UGT1A8: variants seen among roughly 807,000 people sequenced by gnomAD.
The protein encoded by UGT1A8 is UDP glucuronosyltransferase family 1 member A8.
UGT1A8 carries 39 observed loss-of-function variants against 45.3 expected under a neutral mutation model. That is an observed-to-expected ratio of 0.86 (90% CI 0.67 to 1.12). The LOEUF (loss-of-function observed/expected upper bound fraction) is 1.12, where lower values mean the gene tolerates loss of function less well. Among genes scored for constraint, UGT1A8 ranks in the 50% most tolerant of loss-of-function variants. The pLI, the probability that UGT1A8 is intolerant of heterozygous loss-of-function variation, is 0.00. For missense variants in UGT1A8, 719 were observed against 664.9 expected (o/e 1.08, Z -0.90); for synonymous variants, 275 against 249.2 (o/e 1.10, Z -0.97).
At chr2:233,644,204 G>A (rs1306141420) in intron 1 of UGT1A8, among the ~76,000 whole-genome samples, 1 of 152,208 alleles carries the variant, frequency 6.6e-6, no homozygotes, top group East Asian at 1.9e-4. Flanking sequence ...GCCCTCGGTG[G>A]TGAGGTCTGT....
chr2:233,767,045 C>G lies in UGT1A8; in HGVS notation c.867C>G (p.Ala289=), dbSNP rs900263261. 1.9e-6 allele frequency: 3 copies of G among 1,614,006 alleles called. No homozygotes were observed. The African/African-American group carries it at 4.0e-5, about 22-fold the overall frequency. The change falls in exon 2 of 5, where the codon GCC becomes GCG. Residue 289 remains alanine, a synonymous_variant. Coordinates refer to ENST00000373450, the MANE Select transcript of UGT1A8 (RefSeq NM_019076.5). ...QGKPLPMEFE[A]YINASGEHGI... is the part of the protein sequence containing the mutation. ...TCTTCTGGCTCTAGGAATTTGAAGC[C>G]TACATTAATGCTTCTGGAGAACATG...
chr2:233,772,602 G>A lies in UGT1A8; in HGVS notation c.*43G>A. 6.3e-7 allele frequency: 1 copy of A among 1,589,502 alleles called. No individual in the cohort carries two copies. Among genetic ancestry groups the A allele is most frequent in the Non-Finnish European group, 8.6e-7 (1 of 1,167,066 alleles). On this transcript the variant is annotated 3_prime_UTR_variant, in exon 5 of 5. Transcript: ENST00000373450. The stretch of plus-strand genomic sequence containing the variant: ...AGGTAAAATTTTGAACCATTCCCTA[G>A]TCATTTCCAAACTTGAAAACAGAAT...
chr2:233,663,930 A>G (rs2074025587), intron 1 of UGT1A8, among the ~76,000 whole-genome samples: 1 of 152,166 alleles, frequency 6.6e-6, no homozygotes, highest in Admixed American at 6.5e-5. Flanking sequence ...ATAACTTCCA[A>G]CTTTAAGTCA....
intron 1 of UGT1A8, among the ~76,000 whole-genome samples, chr2:233,633,268 T>C (rs1407663542): frequency 6.6e-6 from 1 of 152,118 alleles, no homozygotes; most frequent in East Asian, 1.9e-4. Context: ...TGGCCTGAAA[T>C]TTTTTTGGTT....
Position 233,712,926 on chromosome 2 carries a change from C to T in UGT1A8, c.856-54108C>T, listed in dbSNP as rs185804410. ...TGTCTCAGTGACAAGGTAATTAAGA[C>T]GAAGGAAACAATTCTAGGAGGCACA... On this transcript the variant is annotated intron_variant, in intron 1 of 4. Transcript: ENST00000373450. 3.1e-4 allele frequency: 497 copies of T among 1,611,970 alleles called. 2 individuals carry two copies. In the African/African-American group the frequency reaches 4.1e-3, roughly 13 times the overall value.
At chr2:233,747,816 T>A in intron 1 of UGT1A8, 1 of 1,613,472 alleles carries the variant, frequency 6.2e-7, no homozygotes, top group Non-Finnish European at 8.5e-7. Flanking sequence ...AACGACCAAT[T>A]CAGACCACAT....
intron 1 of UGT1A8, among the ~76,000 whole-genome samples, chr2:233,764,010 C>T (rs956490955): frequency 8.5e-5 from 13 of 152,216 alleles, no homozygotes; most frequent in Admixed American, 5.2e-4. Context: ...CACAGATGAC[C>T]CACATGGTGT....
At chr2:233,633,794 G>A (rs1032039313) in intron 1 of UGT1A8, among the ~76,000 whole-genome samples, 14 of 152,100 alleles carry the variant, frequency 9.2e-5, no homozygotes, top group Non-Finnish European at 1.9e-4. Context: ...AGGGTTTTTT[G>A]TGTCTCTATC....
chr2:233,625,583 C>T (rs1013085498), intron 1 of UGT1A8, among the ~76,000 whole-genome samples: 3 of 151,744 alleles, frequency 2.0e-5, no homozygotes, highest in African/African-American at 4.8e-5. Context: ...AAATGTGGTA[C>T]ATATACACCA....
chr2:233,712,904 C>T, intron 1 of UGT1A8: 1 of 1,609,906 alleles, frequency 6.2e-7, no homozygotes, highest in African/African-American at 1.3e-5. Flanking sequence ...TGCTAGGTGT[C>T]TCAGTGACAA....
chr2:233,721,416 C>T, intron 1 of UGT1A8: 1 of 156,014 alleles, frequency 6.4e-6, no homozygotes, highest in Non-Finnish European at 1.4e-5. Flanking sequence ...GGACAGGTAC[C>T]CTAAGCATTG....
At chr2:233,704,256 C>CTTTTTTTTTTTT (rs59925871) in intron 1 of UGT1A8, among the ~76,000 whole-genome samples, 5 of 123,642 alleles carry the variant, frequency 4.0e-5, no homozygotes, top group African/African-American at 6.5e-5. Context: ...GCCTTTATTG[C>CTTTTTTTTTTTT]TTTTTTTTTT....
intron 1 of UGT1A8, among the ~76,000 whole-genome samples, chr2:233,731,469 T>C (rs1244110425): frequency 6.6e-6 from 1 of 152,156 alleles, no homozygotes; most frequent in Non-Finnish European, 1.5e-5. Context: ...TGGCGTGTGA[T>C]GTTCCCTGGC....
intron 1 of UGT1A8, among the ~76,000 whole-genome samples, chr2:233,698,183 T>C (rs2075430148): frequency 6.6e-6 from 1 of 152,224 alleles, no homozygotes; most frequent in African/African-American, 2.4e-5. Context: ...TGTATTATGA[T>C]ATGTAATTAT....
chr2:233,673,563 A>AT (rs1478779094), intron 1 of UGT1A8, among the ~76,000 whole-genome samples: 4 of 151,916 alleles, frequency 2.6e-5, no homozygotes, highest in Non-Finnish European at 4.4e-5. Flanking sequence ...TTTTTTTGCT[A>AT]TTGTGTCTTC....
intron 1 of UGT1A8, among the ~76,000 whole-genome samples, chr2:233,660,066 T>C (rs1014130539): frequency 2.6e-5 from 4 of 152,232 alleles, no homozygotes; most frequent in African/African-American, 9.6e-5. Context: ...ATTTCTTTCA[T>C]GAGTCCCTTG....
Position 233,772,576 on chromosome 2 carries a change from A to G in UGT1A8, c.*17A>G. The stretch of plus-strand genomic sequence containing the variant: ...ACCCATTGAGAAGTGGGTGGGAAAT[A>G]AGGTAAAATTTTGAACCATTCCCTA... On this transcript the variant is annotated 3_prime_UTR_variant, in exon 5 of 5. Transcript: ENST00000373450. 6.2e-7 allele frequency: 1 copy of G among 1,610,732 alleles called. No homozygotes were observed. Among genetic ancestry groups the G allele is most frequent in the Non-Finnish European group, 8.5e-7 (1 of 1,178,228 alleles).
intron 1 of UGT1A8, among the ~76,000 whole-genome samples, chr2:233,683,636 AT>A (rs1178695460): frequency 1.6e-4 from 25 of 152,252 alleles, no homozygotes; most frequent in African/African-American, 6.0e-4. Flanking sequence ...CATAAATAAA[AT>A]TTTGCACTTT....
intron 1 of UGT1A8, among the ~76,000 whole-genome samples, chr2:233,671,069 G>A (rs896275323): frequency 2.6e-5 from 4 of 152,134 alleles, no homozygotes; most frequent in Admixed American, 2.0e-4. Context: ...TGAAAGGAGG[G>A]TGAAAACACA....
Sources: allele counts gnomAD v4.1 joint callset (sites outside exome capture counted in the v4.1 genomes callset), GRCh38; gene constraint gnomAD v4.1.1; transcripts MANE v1.5; gene names NCBI Gene and HGNC (gene_info 2026-07-23, HGNC 2026-07-21).